The following NEK10 variants were observed in gnomAD, a reference collection of about 807,000 sequenced individuals.
NEK10 encodes serine/threonine-protein kinase Nek10.
Under a neutral mutation model 159.8 loss-of-function variants are expected in NEK10, and 122 were observed. The ratio of observed to expected loss-of-function variants is 0.76; its 90% confidence interval spans 0.66 to 0.89. The LOEUF (loss-of-function observed/expected upper bound fraction) is 0.89, where lower values mean the gene tolerates loss of function less well. Ranked by LOEUF, NEK10 falls within the 40% of genes least tolerant of loss-of-function variation. The pLI, the probability that NEK10 is intolerant of heterozygous loss-of-function variation, is 0.00. For missense variants in NEK10, 1,342 were observed against 1,323.1 expected, an observed-to-expected ratio of 1.01 and a Z score of -0.22; for synonymous variants, 466 against 457.1, an observed-to-expected ratio of 1.02 and a Z score of -0.25.
At chr3:27,146,897 C>CA (rs796127878) in intron 30 of NEK10, among the ~76,000 whole-genome samples, 78 of 152,228 alleles carry the variant, frequency 5.1e-4, no homozygotes, top group African/African-American at 1.8e-3. Flanking sequence ...TGAAGAACAG[C>CA]AAACTGTTCA....
At chr3:27,112,527 A>T (rs1466660152) in intron 35 of NEK10, among the ~76,000 whole-genome samples, 1 of 152,232 alleles carries the variant, frequency 6.6e-6, no homozygotes, top group Non-Finnish European at 1.5e-5. Context: ...AGATCTGGGT[A>T]GACCCTGGTG....
chr3:27,160,452 A>C (rs1945911009), intron 30 of NEK10, among the ~76,000 whole-genome samples: 1 of 152,222 alleles, frequency 6.6e-6, no homozygotes, highest in African/African-American at 2.4e-5. Flanking sequence ...TTAATGGAAA[A>C]AACCTTCATA....
At chr3:27,295,067 A>T (rs2043259740) in intron 15 of NEK10, among the ~76,000 whole-genome samples, 1 of 152,046 alleles carries the variant, frequency 6.6e-6, no homozygotes, top group Non-Finnish European at 1.5e-5. Context: ...CTTACATGTG[A>T]GGCCTCATCT....
intron 30 of NEK10, among the ~76,000 whole-genome samples, chr3:27,146,826 G>T (rs2148715711): frequency 6.6e-6 from 1 of 152,318 alleles, no homozygotes; most frequent in South Asian, 2.1e-4. Context: ...TGTGAGTGTG[G>T]GTTCTTAGGA....
Position 27,110,466 on chromosome 3 carries a change from A to G in NEK10, c.*806T>C, listed in dbSNP as rs1228645048. 6 of 152,222 alleles carry G rather than the reference A, an allele frequency of 3.9e-5. No homozygotes were observed. Among genetic ancestry groups the G allele is most frequent in the Non-Finnish European group, 5.9e-5 (4 of 68,040 alleles). The allele number at this position is 152,222 out of a possible 1,614,324, so 9.4% of individuals were successfully genotyped here. On this transcript the variant is annotated 3_prime_UTR_variant, in exon 36 of 36. Transcript: ENST00000691995. ...ATTGCATCTTTTTCATAGATTCTAT[A>G]AACTCTTCAAAGTGCTCTAAAAATA... is the stretch of plus-strand genomic sequence containing the variant.
intron 12 of NEK10, among the ~76,000 whole-genome samples, chr3:27,302,070 C>T (rs1209215610): frequency 6.6e-6 from 1 of 152,212 alleles, no homozygotes; most frequent in African/African-American, 2.4e-5. Flanking sequence ...CACTGCTCTA[C>T]ATGGCCACCT....
At chr3:27,188,836 T>C (rs182953940) in intron 26 of NEK10, among the ~76,000 whole-genome samples, 1 of 152,316 alleles carries the variant, frequency 6.6e-6, no homozygotes, top group Non-Finnish European at 1.5e-5. Flanking sequence ...TAATACACAC[T>C]ATTGTATTTG....
chr3:27,164,626 A>G (rs186637544), intron 29 of NEK10, among the ~76,000 whole-genome samples: 188 of 152,342 alleles, frequency 1.2e-3, no homozygotes, highest in African/African-American at 4.3e-3. Context: ...AAGCTGCTCA[A>G]GAGTCACATG....
chr3:27,312,199 C>G, intron 7 of NEK10, 22 bp from the exon 8 acceptor site: 2 of 1,520,820 alleles, frequency 1.3e-6, no homozygotes, highest in Middle Eastern at 1.7e-4. Context: ...ACCAAACCAA[C>G]AAGCCAGTCA....
At position 27,307,949 on chromosome 3, in the gene NEK10, T is replaced by C. The variant is rs766904400; in HGVS notation, c.717-4A>G. ...TATCTTCTCCCTACATTCTTGACTA[T>C]AAATTGAAAAATATTAGCAATTACT... is the stretch of plus-strand genomic sequence containing the variant. On this transcript the variant is annotated splice_region_variant and splice_polypyrimidine_tract_variant and intron_variant, in intron 10 of 35. Transcript: ENST00000691995. 3.6e-6 allele frequency: 5 copies of C among 1,400,810 alleles called. No individual in the cohort carries two copies. In the African/African-American group the frequency reaches 5.7e-5, roughly 16 times the overall value. The allele number at this position is 1,400,810 out of a possible 1,614,324, so 86.8% of individuals were successfully genotyped here.
intron 12 of NEK10, among the ~76,000 whole-genome samples, chr3:27,303,661 A>G (rs376657021): frequency 7.9e-4 from 120 of 152,334 alleles, no homozygotes; most frequent in South Asian, 7.9e-3. Flanking sequence ...AATGACAAAT[A>G]TTGTTAACAA....
At chr3:27,214,444 G>A (rs1435518621) in intron 23 of NEK10, among the ~76,000 whole-genome samples, 1 of 151,986 alleles carries the variant, frequency 6.6e-6, no homozygotes, top group Non-Finnish European at 1.5e-5. Context: ...GCACTAAATC[G>A]CTAGTTTCCC....
At chr3:27,296,992 A>G (rs577442999) in intron 14 of NEK10, among the ~76,000 whole-genome samples, 187 bp downstream of exon 14, 2 of 152,240 alleles carry the variant, frequency 1.3e-5, no homozygotes, top group Non-Finnish European at 2.9e-5. Context: ...TTTAAGTCAA[A>G]TGAGTTAAAG....
At chr3:27,261,903 ACC>A (rs878891559) in intron 22 of NEK10, among the ~76,000 whole-genome samples, 1 of 151,964 alleles carries the variant, frequency 6.6e-6, no homozygotes, top group African/African-American at 2.4e-5. Context: ...CAATCGGGGT[ACC>A]CCTGTATTGG....
intron 22 of NEK10, among the ~76,000 whole-genome samples, chr3:27,268,352 G>A (rs1440945362): frequency 6.6e-6 from 1 of 152,162 alleles, no homozygotes; most frequent in African/African-American, 2.4e-5. Flanking sequence ...TGCCATCTAG[G>A]ACTTTCATAG....
intron 5 of NEK10, among the ~76,000 whole-genome samples, chr3:27,332,114 C>A (rs1559514973): frequency 6.6e-6 from 1 of 152,060 alleles, no homozygotes; most frequent in Non-Finnish European, 1.5e-5. Flanking sequence ...AGTAAAGCCA[C>A]TTCAAAATAA....
chr3:27,217,282 A>G (rs1049036300), intron 23 of NEK10, among the ~76,000 whole-genome samples: 1 of 152,206 alleles, frequency 6.6e-6, no homozygotes, highest in African/African-American at 2.4e-5. Context: ...GCATTGCTAT[A>G]AAGAAATCCC....
intron 26 of NEK10, among the ~76,000 whole-genome samples, chr3:27,177,140 CTGTT>C (rs1203261794): frequency 6.6e-6 from 1 of 152,094 alleles, no homozygotes; most frequent in Admixed American, 6.6e-5. Context: ...GGGTAATTGA[CTGTT>C]TGCATAAATT....
chr3:27,340,178 T>C (rs552476073), intron 5 of NEK10, among the ~76,000 whole-genome samples: 22 of 152,072 alleles, frequency 1.4e-4, no homozygotes, highest in Non-Finnish European at 2.8e-4. Context: ...TATGCAGCCA[T>C]AAAAAAGAAT....
Sources: gnomAD v4.1 joint callset for allele counts (sites outside exome capture counted in the v4.1 genomes callset) on GRCh38, gnomAD v4.1.1 for gene constraint, MANE v1.5 for transcripts, NCBI Gene and HGNC (gene_info 2026-07-23, HGNC 2026-07-21) for gene names.